CNTNAP2: variants seen among roughly 807,000 people sequenced by gnomAD.
The protein encoded by CNTNAP2 is contactin-associated protein-like 2.
In CNTNAP2, 98 loss-of-function variants were observed where a neutral mutation model predicts 155.2. The ratio of observed to expected loss-of-function variants is 0.63; its 90% CI spans 0.54 to 0.75. CNTNAP2 has a LOEUF of 0.75. Ranked by LOEUF, CNTNAP2 falls within the 30% of genes least tolerant of loss-of-function variation. CNTNAP2 has a pLI of 0.00. For synonymous variants in CNTNAP2, 651 were observed against 631.2 expected (o/e 1.03, Z -0.47); for missense variants, 1,727 against 1,688.1 (o/e 1.02, Z -0.40).
At chr7:147,414,120 C>T (rs1264176356) in intron 10 of CNTNAP2, among the ~76,000 whole-genome samples, 8 of 152,106 alleles carry the variant, frequency 5.3e-5, no homozygotes, top group Admixed American at 5.2e-4. Context: ...TTTTCAATCA[C>T]TCACTGTGTC....
intron 22 of CNTNAP2, among the ~76,000 whole-genome samples, chr7:148,402,573 C>A (rs1471927796): frequency 6.6e-6 from 1 of 152,084 alleles, no homozygotes; most frequent in Non-Finnish European, 1.5e-5. Context: ...TGGCTAAAAA[C>A]ATTATTTAAG....
chr7:146,914,487 C>T (rs1796354662), intron 3 of CNTNAP2, among the ~76,000 whole-genome samples: 2 of 152,132 alleles, frequency 1.3e-5, no homozygotes, highest in African/African-American at 2.4e-5. Flanking sequence ...TTATTATGGC[C>T]ATTCTTGCAG....
At chr7:146,489,451 T>A (rs1797106640) in intron 1 of CNTNAP2, among the ~76,000 whole-genome samples, 1 of 152,208 alleles carries the variant, frequency 6.6e-6, no homozygotes, top group South Asian at 2.1e-4. Flanking sequence ...AGAAAGGCTA[T>A]AAAATATAAC....
intron 4 of CNTNAP2, among the ~76,000 whole-genome samples, chr7:147,072,067 G>A (rs1041884372): frequency 4.6e-5 from 7 of 152,200 alleles, no homozygotes; most frequent in East Asian, 3.9e-4. Flanking sequence ...AGAAGCCAAC[G>A]GAAATGTGAC....
intron 1 of CNTNAP2, among the ~76,000 whole-genome samples, chr7:146,601,723 A>G (rs1798952671): frequency 6.6e-6 from 1 of 152,110 alleles, no homozygotes; most frequent in African/African-American, 2.4e-5. Flanking sequence ...TAAAGTCTCA[A>G]TAAATAGAAC....
chr7:148,113,387 C>T (rs73472268), intron 15 of CNTNAP2, among the ~76,000 whole-genome samples: 5,651 of 152,174 alleles, frequency 0.037, 342 homozygotes, highest in African/African-American at 0.13. Flanking sequence ...AAGACAGCAC[C>T]AAGGGCAATG....
At position 148,387,960 on chromosome 7, in the gene CNTNAP2, T is replaced by G. The variant is rs550181179; in HGVS notation, c.3715+4072T>G. Among the ~76,000 whole-genome samples, 10 of 152,020 alleles carry G rather than the reference T, an allele frequency of 6.6e-5. No individual in the cohort carries two copies. The East Asian group carries it at 1.7e-3, about 27-fold the overall frequency. ...GGTCATCCTCACTGCTACACTCCCA[T>G]CAGCACCATGACAGCTTATAAATGC... On this transcript the variant is annotated intron_variant, in intron 22 of 23. Coordinates refer to ENST00000361727, the MANE Select transcript of CNTNAP2 (RefSeq NM_014141.6).
In CNTNAP2 at chr7:146,352,948, A is replaced by G. The variant is rs528747335; in HGVS notation, c.97+235975A>G. Among the ~76,000 whole-genome samples, 65 of 150,678 alleles carry G rather than the reference A, an allele frequency of 4.3e-4. 1 individual carries two copies. The highest frequency in any genetic ancestry group is 2.9e-3 in the South Asian group (14 of 4,770). On this transcript the variant is annotated intron_variant, in intron 1 of 23. Transcript: ENST00000361727. Reference sequence around the variant, plus strand: ...TTTTTGTATTTTTAGTAGAGACAGGATTTCACCCTGTTAGCCAGGATGGTC... The same window carrying G: ...TTTTTGTATTTTTAGTAGAGACAGGGTTTCACCCTGTTAGCCAGGATGGTC...
chr7:147,764,744 G>A lies in CNTNAP2; in HGVS notation c.2098+125438G>A, dbSNP rs562934562. On this transcript the variant is annotated intron_variant, in intron 13 of 23. Coordinates refer to ENST00000361727, the MANE Select transcript of CNTNAP2 (RefSeq NM_014141.6). The stretch of plus-strand genomic sequence containing the variant: ...GCTGAGTTCTGCTGAAATAGCCCAA[G>A]AGTAAATCACAACACCTACAAGATG... Among the ~76,000 whole-genome samples, 4 of 152,234 alleles carry A rather than the reference G, an allele frequency of 2.6e-5. 1 individual carries two copies. The South Asian group carries it at 8.3e-4, about 32-fold the overall frequency.
chr7:146,907,022 C>A (rs1476271163), intron 3 of CNTNAP2, among the ~76,000 whole-genome samples: 2 of 149,762 alleles, frequency 1.3e-5, no homozygotes, highest in South Asian at 4.3e-4. Flanking sequence ...CCTCAGGAGC[C>A]GATGCGATCA....
chr7:147,371,226 G>A (rs749626599), intron 9 of CNTNAP2, among the ~76,000 whole-genome samples: 8 of 152,020 alleles, frequency 5.3e-5, no homozygotes, highest in Non-Finnish European at 8.8e-5. Context: ...TATATCATAC[G>A]GATTTGGAAT....
chr7:146,982,850 C>T (rs1431942159), intron 3 of CNTNAP2, among the ~76,000 whole-genome samples: 1 of 152,114 alleles, frequency 6.6e-6, no homozygotes, highest in Non-Finnish European at 1.5e-5. Context: ...AAAATAAATG[C>T]CCATTTCCAA....
intron 1 of CNTNAP2, among the ~76,000 whole-genome samples, chr7:146,206,773 A>T (rs187701204): frequency 4.6e-5 from 7 of 152,104 alleles, no homozygotes; most frequent in African/African-American, 1.7e-4. Flanking sequence ...AGACCTCAAC[A>T]ACAACACTTT....
chr7:146,676,092 T>G (rs1375787978), intron 1 of CNTNAP2, among the ~76,000 whole-genome samples: 1 of 152,176 alleles, frequency 6.6e-6, no homozygotes, highest in Non-Finnish European at 1.5e-5. Context: ...TGTTCTATAA[T>G]ATTCTAAAAT....
intron 20 of CNTNAP2, among the ~76,000 whole-genome samples, chr7:148,246,728 T>G (rs1410711672): frequency 1.3e-5 from 2 of 152,240 alleles, no homozygotes; most frequent in African/African-American, 4.8e-5. Context: ...AAAGACTTAT[T>G]GATCAATGAA....
At chr7:147,353,270 G>A (rs1232582760) in intron 9 of CNTNAP2, among the ~76,000 whole-genome samples, 1 of 151,752 alleles carries the variant, frequency 6.6e-6, no homozygotes, top group Non-Finnish European at 1.5e-5. Context: ...CCTACATTAG[G>A]TATTTCTCCC....
chr7:147,044,814 TC>T (rs1274733683), intron 4 of CNTNAP2, among the ~76,000 whole-genome samples: 15 of 152,118 alleles, frequency 9.9e-5, no homozygotes, highest in Admixed American at 8.5e-4. Context: ...TTTATCCTTA[TC>T]CTTATGCTTA....
At chr7:147,344,754 T>G (rs79992193) in intron 9 of CNTNAP2, among the ~76,000 whole-genome samples, 35,054 of 152,082 alleles carry the variant, frequency 0.23, 4,402 homozygotes, top group Non-Finnish European at 0.28. Flanking sequence ...TATTCTTTGA[T>G]GTTATTACTG....
chr7:146,487,701 G>A (rs1372397799), intron 1 of CNTNAP2, among the ~76,000 whole-genome samples: 4 of 152,136 alleles, frequency 2.6e-5, no homozygotes, highest in South Asian at 4.1e-4. Context: ...AGAGGCTTAC[G>A]CAGCATCCTC....
Sources: gnomAD v4.1 joint callset for allele counts (sites outside exome capture counted in the v4.1 genomes callset) on GRCh38, gnomAD v4.1.1 for gene constraint, MANE v1.5 for transcripts, NCBI Gene and HGNC (gene_info 2026-07-23, HGNC 2026-07-21) for gene names.